Variants in CCDC146 observed in about 807,000 individuals in gnomAD.
CCDC146 encodes coiled-coil domain-containing protein 146.
CCDC146 carries 92 observed loss-of-function variants against 119.3 expected under a neutral mutation model. The observed-to-expected ratio is 0.77, with a 90% CI of 0.65 to 0.92. CCDC146 has a LOEUF of 0.92. Ranked by LOEUF, CCDC146 falls within the 40% of genes least tolerant of loss-of-function variation. CCDC146 has a pLI of 0.00. For missense variants in CCDC146, 1,000 were observed against 1,103.0 expected (o/e 0.91, Z 1.32); for synonymous variants, 372 against 371.8 (o/e 1.00, Z -0.01).
intron 1 of CCDC146, among the ~76,000 whole-genome samples, chr7:77,133,945 T>C (rs551280342): frequency 1.6e-4 from 24 of 152,224 alleles, no homozygotes; most frequent in African/African-American, 5.8e-4. Flanking sequence ...ATTTTGTTAT[T>C]ATAAGGTGAA....
intron 9 of CCDC146, among the ~76,000 whole-genome samples, chr7:77,271,338 T>C (rs1233337895): frequency 6.6e-6 from 1 of 151,424 alleles, no homozygotes; most frequent in East Asian, 1.9e-4. Flanking sequence ...TGCTGGACCC[T>C]TCCTGCCCTC....
At chr7:77,262,923 C>T (rs1272396823) in intron 9 of CCDC146, among the ~76,000 whole-genome samples, 4 of 152,192 alleles carry the variant, frequency 2.6e-5, no homozygotes, top group Non-Finnish European at 4.4e-5. Flanking sequence ...AATGACCAAG[C>T]GCCACTGAAA....
At chr7:77,265,827 C>A (rs535301314) in intron 9 of CCDC146, among the ~76,000 whole-genome samples, 2 of 152,186 alleles carry the variant, frequency 1.3e-5, no homozygotes, top group East Asian at 1.9e-4. Flanking sequence ...AAACAGGTGG[C>A]CTTTTGCCTC....
At chr7:77,234,748 A>G (rs1047514312) in intron 2 of CCDC146, among the ~76,000 whole-genome samples, 2 of 152,194 alleles carry the variant, frequency 1.3e-5, no homozygotes, top group African/African-American at 2.4e-5. Flanking sequence ...GGAAAAAAAA[A>G]GTTATAAATA....
intron 2 of CCDC146, among the ~76,000 whole-genome samples, chr7:77,172,164 T>C (rs1431414135): frequency 1.3e-5 from 2 of 152,204 alleles, no homozygotes; most frequent in Non-Finnish European, 2.9e-5. Context: ...TTCAGAAAAC[T>C]TTATTTCCGT....
At chr7:77,166,875 C>A (rs985961757) in intron 1 of CCDC146, among the ~76,000 whole-genome samples, 2 of 152,148 alleles carry the variant, frequency 1.3e-5, no homozygotes, top group Non-Finnish European at 2.9e-5. Context: ...CTGGTGTTAG[C>A]AGTTGCCCAC....
rs142580278 is a variant in CCDC146, at chr7:77,264,462, T to G, written c.1173+2155T>G. 3.1e-3 allele frequency among the ~76,000 whole-genome samples: 479 copies of G among 152,308 alleles called. 2 individuals carry two copies. The highest frequency in any genetic ancestry group is 0.011 in the African/African-American group (464 of 41,576). On this transcript the variant is annotated intron_variant, in intron 9 of 18. Coordinates refer to ENST00000285871, the MANE Select transcript of CCDC146 (RefSeq NM_020879.3). ...TTAGTAGAGACAGGCTTTCACTATG[T>G]TCGCCAGGCTGGTCTCAAACTCCTG...
In CCDC146 at chr7:77,216,272, G is replaced by A. The variant is rs557645945; in HGVS notation, c.157-20675G>A. On this transcript the variant is annotated intron_variant, in intron 2 of 18. Transcript: ENST00000285871. ...CCTCCATTCCTCACAGCATTAATTC[G>A]ACATAGTATTCTTCTTTGGATACTG... is the stretch of plus-strand genomic sequence containing the variant. Among the ~76,000 whole-genome samples the A allele has an allele frequency of 4.6e-5, 7 of 152,000 alleles. 1 individual carries two copies. Among genetic ancestry groups the A allele is most frequent in the East Asian group, 3.9e-4 (2 of 5,174 alleles).
chr7:77,237,305 C>A (rs1342206286), intron 3 of CCDC146, among the ~76,000 whole-genome samples: 1 of 152,206 alleles, frequency 6.6e-6, no homozygotes, highest in African/African-American at 2.4e-5. Context: ...GAGTGGCTCA[C>A]CTCAGCACTC....
At chr7:77,221,754 A>C (rs538088219) in intron 2 of CCDC146, among the ~76,000 whole-genome samples, 3 of 152,210 alleles carry the variant, frequency 2.0e-5, no homozygotes, top group Non-Finnish European at 4.4e-5. Context: ...GGAGAAATGC[A>C]TGAGAGATGG....
At chr7:77,265,032 C>T (rs1384881530) in intron 9 of CCDC146, among the ~76,000 whole-genome samples, 1 of 152,218 alleles carries the variant, frequency 6.6e-6, no homozygotes, top group Non-Finnish European at 1.5e-5. Flanking sequence ...CATATTTTCA[C>T]TCCAACTTTC....
intron 14 of CCDC146, among the ~76,000 whole-genome samples, chr7:77,281,027 C>T (rs1430503363): frequency 6.6e-6 from 1 of 151,584 alleles, no homozygotes; most frequent in South Asian, 2.1e-4. Context: ...CGCTTGAACC[C>T]GGGAGGCAGA....
At chr7:77,262,401 A>G in intron 9 of CCDC146, 94 bp downstream of exon 9, 1 of 948,770 alleles carries the variant, frequency 1.1e-6, no homozygotes. Context: ...CCAGTAGAGA[A>G]GAAGAAAATA....
chr7:77,199,829 A>C, intron 2 of CCDC146: 1 of 1,592,812 alleles, frequency 6.3e-7, no homozygotes, highest in Non-Finnish European at 8.6e-7. Context: ...GGGAGTGCGC[A>C]GGGCTGGAGC....
chr7:77,133,948 A>C (rs1021754670), intron 1 of CCDC146, among the ~76,000 whole-genome samples: 22 of 152,136 alleles, frequency 1.4e-4, no homozygotes, highest in African/African-American at 5.1e-4. Context: ...TTGTTATTAT[A>C]AGGTGAAGCA....
At chr7:77,130,456 A>G (rs779855081) in intron 1 of CCDC146, among the ~76,000 whole-genome samples, 6 of 152,088 alleles carry the variant, frequency 3.9e-5, no homozygotes, top group Non-Finnish European at 7.4e-5. Context: ...AAATATTGGA[A>G]TTACTGTCCC....
At chr7:77,281,830 C>G (rs1175651102) in intron 14 of CCDC146, among the ~76,000 whole-genome samples, 1 of 151,958 alleles carries the variant, frequency 6.6e-6, no homozygotes, top group Non-Finnish European at 1.5e-5. Context: ...TTTCAAAGGG[C>G]TGGTAGGTTT....
At chr7:77,239,640 C>T (rs1014578912) in intron 3 of CCDC146, among the ~76,000 whole-genome samples, 3 of 152,130 alleles carry the variant, frequency 2.0e-5, no homozygotes, top group Admixed American at 6.6e-5. Flanking sequence ...TGGTGGGGAG[C>T]ATACATCAAA....
intron 5 of CCDC146, 75 bp downstream of exon 5, chr7:77,254,638 A>T: frequency 7.4e-6 from 6 of 813,876 alleles, no homozygotes; most frequent in Non-Finnish European, 1.2e-5. Flanking sequence ...ATTAATGTTT[A>T]TCACAACCAC....
Sources: gnomAD v4.1 joint callset for allele counts (sites outside exome capture counted in the v4.1 genomes callset) on GRCh38, gnomAD v4.1.1 for gene constraint, MANE v1.5 for transcripts, NCBI Gene and HGNC (gene_info 2026-07-23, HGNC 2026-07-21) for gene names.